Variants in GRIP1 observed in about 807,000 individuals in gnomAD.
GRIP1 encodes the protein glutamate receptor interacting protein 1.
Under a neutral mutation model 129.9 loss-of-function variants are expected in GRIP1, and 45 were observed. The ratio of observed to expected loss-of-function variants is 0.35; its 90% confidence interval spans 0.27 to 0.44. The LOEUF (loss-of-function observed/expected upper bound fraction) is 0.44, where lower values mean the gene tolerates loss of function less well. GRIP1 is among the 20% of genes least tolerant of loss of function. The probability of loss-of-function intolerance (pLI) is 1.00; values close to 1 mark genes in which losing one functional copy is unlikely to be tolerated. For synonymous variants in GRIP1, 530 were observed against 520.8 expected (o/e 1.02, Z -0.24); for missense variants, 1,196 against 1,396.8 (o/e 0.86, Z 2.29).
intron 1 of GRIP1, among the ~76,000 whole-genome samples, chr12:66,627,649 T>C (rs1039209959): frequency 1.3e-5 from 2 of 152,196 alleles, no homozygotes; most frequent in Admixed American, 1.3e-4. Flanking sequence ...TGGAGCTGAT[T>C]TTCCCTGCAG....
At chr12:66,385,483 C>G (rs1163598574) in intron 19 of GRIP1, among the ~76,000 whole-genome samples, 1 of 151,864 alleles carries the variant, frequency 6.6e-6, no homozygotes, top group African/African-American at 2.4e-5. Context: ...TTGCAGTGAG[C>G]CAAGATCGCA....
chr12:66,777,354 C>CACCTGTA (rs892852249), intron 1 of GRIP1, among the ~76,000 whole-genome samples: 10 of 152,236 alleles, frequency 6.6e-5, no homozygotes, highest in African/African-American at 2.4e-4. Flanking sequence ...CCCTGAGATT[C>CACCTGTA]ACCTGTAACT....
rs117747036 is a variant in GRIP1 at position 66,718,578 on chromosome 12, C to T, written c.-420+85475G>A. The stretch of plus-strand genomic sequence containing the variant: ...CTACATGTTCTTTGTAGGCTGGGTG[C>T]GGTGGCTCATGCCTGTAATCCCAGC... On this transcript the variant is annotated intron_variant, in intron 1 of 4. Coordinates refer to the GRIP1 transcript ENST00000538373. Among the ~76,000 whole-genome samples, 129 of 152,114 alleles carry T rather than the reference C, an allele frequency of 8.5e-4. 2 individuals are homozygous for T. In the East Asian group the frequency reaches 0.012, roughly 15 times the overall value.
At chr12:66,404,247 T>C (rs1210772831) in intron 16 of GRIP1, among the ~76,000 whole-genome samples, 1 of 152,262 alleles carries the variant, frequency 6.6e-6, no homozygotes, top group African/African-American at 2.4e-5. Context: ...ATTGTACTGA[T>C]GGATGCAACT....
At chr12:66,888,024 AAACC>A (rs1395815560) in intron 1 of GRIP1, among the ~76,000 whole-genome samples, 2 of 152,202 alleles carry the variant, frequency 1.3e-5, no homozygotes, top group African/African-American at 4.8e-5. Flanking sequence ...TCAGGGGCAC[AAACC>A]TAAGAAATGA....
chr12:67,037,504 AT>A (rs1470203275), intron 1 of GRIP1: 1 of 152,042 alleles, frequency 6.6e-6, no homozygotes, highest in African/African-American at 2.4e-5. Context: ...TGTAAAAAAA[AT>A]AAATTATTTA....
intron 13 of GRIP1, among the ~76,000 whole-genome samples, chr12:66,439,275 T>C (rs2058403985): frequency 6.6e-6 from 1 of 152,148 alleles, no homozygotes; most frequent in East Asian, 1.9e-4. Context: ...TGAGGATCTT[T>C]ACCTCCACTC....
rs540338386 is a variant in GRIP1 at position 66,566,274 on chromosome 12, T to C, written c.137-24324A>G. On this transcript the variant is annotated intron_variant, in intron 2 of 24. Coordinates refer to ENST00000359742, the MANE Select transcript of GRIP1 (RefSeq NM_001366722.1). Reference sequence around the variant, plus strand: ...CTGTGGGTTTATCATAAATAGCTCTTATATTTTGAGATATGTCCCATCAAT... The same window carrying C: ...CTGTGGGTTTATCATAAATAGCTCTCATATTTTGAGATATGTCCCATCAAT... Among the ~76,000 whole-genome samples, 4 of 152,340 alleles carry C rather than the reference T, an allele frequency of 2.6e-5. No individual in the cohort carries two copies. The East Asian group carries it at 7.7e-4, about 29-fold the overall frequency.
chr12:67,010,714 A>G (rs544156479), intron 1 of GRIP1, among the ~76,000 whole-genome samples: 1 of 152,282 alleles, frequency 6.6e-6, no homozygotes, highest in South Asian at 2.1e-4. Context: ...AGAGCTGTCA[A>G]CAAGATCTGA....
chr12:66,682,528 T>C (rs954395544), upstream of GRIP1, among the ~76,000 whole-genome samples: 4 of 152,142 alleles, frequency 2.6e-5, no homozygotes, highest in African/African-American at 7.2e-5. Context: ...GATTCCAATA[T>C]AGTCTCAAAA....
intron 8 of GRIP1, among the ~76,000 whole-genome samples, chr12:66,463,334 TA>T (rs35657454): frequency 0.21 from 30,970 of 150,936 alleles, 3,383 homozygotes; most frequent in African/African-American, 0.24. Flanking sequence ...TGTCTTTCTT[TA>T]AAAAAAAAAT....
intron 16 of GRIP1, among the ~76,000 whole-genome samples, chr12:66,405,927 G>A (rs1182634538): frequency 6.6e-6 from 1 of 152,016 alleles, no homozygotes; most frequent in African/African-American, 2.4e-5. Flanking sequence ...GTAAAATTAG[G>A]TAAAAAAATG....
At chr12:66,914,506 A>C (rs2041087096) in intron 1 of GRIP1, among the ~76,000 whole-genome samples, 2 of 152,224 alleles carry the variant, frequency 1.3e-5, no homozygotes, top group Admixed American at 1.3e-4. Flanking sequence ...GCACATCAGT[A>C]ATGACTACAG....
rs183435890 is a variant in GRIP1, at chr12:66,393,741, T to C, written c.2129+467A>G. The stretch of plus-strand genomic sequence containing the variant: ...AATGGACATTCCAGCTTTTAAGACA[T>C]TATTAAAATGGGTTATACACTTTGT... On this transcript the variant is annotated intron_variant, in intron 17 of 24. Transcript: ENST00000359742. Among the ~76,000 whole-genome samples, 395 of 152,252 alleles carry C rather than the reference T, an allele frequency of 2.6e-3. 10 individuals carry two copies. The highest frequency in any genetic ancestry group is 0.024 in the Admixed American group (367 of 15,288).
At chr12:66,984,857 T>G (rs142659914) in intron 1 of GRIP1, among the ~76,000 whole-genome samples, 152 of 152,334 alleles carry the variant, frequency 1.0e-3, no homozygotes, top group African/African-American at 3.6e-3. Context: ...TGCTGTGAAA[T>G]AAACCATCCT....
chr12:66,556,100 C>T (rs1350857857), intron 2 of GRIP1, among the ~76,000 whole-genome samples: 4 of 151,722 alleles, frequency 2.6e-5, no homozygotes, highest in African/African-American at 7.3e-5. Flanking sequence ...CAGATTGAGC[C>T]CAAAGAAGAC....
chr12:66,830,671 G>C (rs2039499975), intron 1 of GRIP1, among the ~76,000 whole-genome samples: 1 of 152,058 alleles, frequency 6.6e-6, no homozygotes, highest in African/African-American at 2.4e-5. Flanking sequence ...TGTTACAACA[G>C]GAATAGGAAA....
chr12:66,854,214 G>A (rs12322020), intron 1 of GRIP1, among the ~76,000 whole-genome samples: 23,603 of 151,944 alleles, frequency 0.16, 2,008 homozygotes, highest in East Asian at 0.37. Flanking sequence ...ACACACAGGC[G>A]AGGGTGAGGA....
chr12:66,767,800 C>T (rs1246120421), intron 1 of GRIP1, among the ~76,000 whole-genome samples: 2 of 152,164 alleles, frequency 1.3e-5, no homozygotes, highest in Non-Finnish European at 1.5e-5. Context: ...ATGGACATAA[C>T]ATACATGTTT....
Sources: gnomAD v4.1 joint callset for allele counts (sites outside exome capture counted in the v4.1 genomes callset) on GRCh38, gnomAD v4.1.1 for gene constraint, MANE v1.5 for transcripts, NCBI Gene and HGNC (gene_info 2026-07-23, HGNC 2026-07-21) for gene names.